ADCY3: variants seen among roughly 807,000 people sequenced by gnomAD.
The protein encoded by ADCY3 is adenylate cyclase 3.
In ADCY3, 70 loss-of-function variants were observed where a neutral mutation model predicts 119.4. The observed-to-expected ratio is 0.59, with a 90% CI of 0.48 to 0.72. The LOEUF (loss-of-function observed/expected upper bound fraction) is 0.72. Ranked by LOEUF, ADCY3 falls within the 30% of genes least tolerant of loss-of-function variation. The pLI, the probability that ADCY3 is intolerant of heterozygous loss-of-function variation, is 0.00. For synonymous variants in ADCY3, 672 were observed against 621.4 expected (o/e 1.08, Z -1.21); for missense variants, 1,238 against 1,541.6 (o/e 0.80, Z 3.30).
chr2:24,869,400 T>C (rs1214669424), intron 3 of ADCY3, among the ~76,000 whole-genome samples: 1 of 151,982 alleles, frequency 6.6e-6, no homozygotes, highest in Non-Finnish European at 1.5e-5. Context: ...TAGGGCCTTT[T>C]TTATTTTTAT....
chr2:24,861,013 G>A (rs745486397), intron 3 of ADCY3, among the ~76,000 whole-genome samples: 4 of 152,190 alleles, frequency 2.6e-5, no homozygotes, highest in Non-Finnish European at 5.9e-5. Flanking sequence ...CACTTTGGGA[G>A]GCCAAGGCAG....
chr2:24,878,593 CTT>C lies in ADCY3; in HGVS notation c.676-5876_676-5875del, dbSNP rs1676003712. On this transcript the variant is annotated intron_variant, in intron 2 of 21. Transcript: ENST00000679454. This position sits in a 1 kb window ranked among gnomAD's most constrained non-coding sequence, Gnocchi z 4.0. ...CCGCACGGGAAACTCGTCATTAAAA[CTT>C]ACTCAGATGCTTTAGGAAAAAGTCT... Among the ~76,000 whole-genome samples the C allele has an allele frequency of 6.6e-6, 1 of 152,040 alleles. No individual in the cohort carries two copies. The highest frequency in any genetic ancestry group is 1.5e-5 in the Non-Finnish European group (1 of 68,004).
chr2:24,865,646 C>T (rs1674201108), intron 3 of ADCY3, among the ~76,000 whole-genome samples: 1 of 151,850 alleles, frequency 6.6e-6, no homozygotes, highest in African/African-American at 2.4e-5. Context: ...CTTACTTTTC[C>T]TAGTATACCC....
intron 2 of ADCY3, among the ~76,000 whole-genome samples, chr2:24,884,700 C>A (rs1572987822): frequency 6.6e-6 from 1 of 152,090 alleles, no homozygotes; most frequent in Admixed American, 6.5e-5. Context: ...TGGTCTTGAA[C>A]TCCTGACCTC....
intron 16 of ADCY3, chr2:24,825,807 C>A: frequency 3.6e-6 from 2 of 557,220 alleles, no homozygotes; most frequent in Non-Finnish European, 6.4e-6. Context: ...ACCTTCACTC[C>A]CATGCTTCCT....
chr2:24,838,787 G>A, intron 7 of ADCY3, 165 bp from the exon 8 acceptor site: 1 of 1,594,870 alleles, frequency 6.3e-7, no homozygotes, highest in Non-Finnish European at 8.6e-7. Context: ...AACTAGCTGT[G>A]TGGGCCGCTA....
chr2:24,864,897 T>A (rs1674096914), intron 3 of ADCY3, among the ~76,000 whole-genome samples: 1 of 152,244 alleles, frequency 6.6e-6, no homozygotes, highest in South Asian at 2.1e-4. Flanking sequence ...ATATAATTTT[T>A]AAAATGCAAA....
chr2:24,888,995 C>A (rs1278496512), intron 2 of ADCY3, among the ~76,000 whole-genome samples: 1 of 152,220 alleles, frequency 6.6e-6, no homozygotes, highest in Non-Finnish European at 1.5e-5. Context: ...GGCGACAGAG[C>A]GAGACTCTGT....
In ADCY3 at chr2:24,910,434, CA is replaced by C. The variant is rs575056472; in HGVS notation, c.675+7878del. Among the ~76,000 whole-genome samples the C allele has an allele frequency of 1.7e-3, 263 of 152,162 alleles. 1 individual carries two copies. The highest frequency in any genetic ancestry group is 2.8e-3 in the Admixed American group (43 of 15,288). On this transcript the variant is annotated intron_variant, in intron 2 of 21. Coordinates refer to ENST00000679454, the MANE Select transcript of ADCY3 (RefSeq NM_004036.5). ...TTAAACTGTTACTCTTTTAAGCCTCCAAATTTTGGGGCTGTTTGTTACACAG... is the reference window on the plus strand; with the variant it reads ...TTAAACTGTTACTCTTTTAAGCCTCCAATTTTGGGGCTGTTTGTTACACAG...
chr2:24,867,992 T>C (rs1241211055), intron 3 of ADCY3, among the ~76,000 whole-genome samples: 1 of 152,170 alleles, frequency 6.6e-6, no homozygotes, highest in Non-Finnish European at 1.5e-5. Context: ...TATGACATAG[T>C]TGACATTATT....
At position 24,898,202 on chromosome 2, in the gene ADCY3, C is replaced by T. The variant is rs1678501956; in HGVS notation, c.675+20111G>A. 6.6e-6 allele frequency among the ~76,000 whole-genome samples: 1 copy of T among 152,138 alleles called. No homozygotes were observed. The highest frequency in any genetic ancestry group is 2.4e-5 in the African/African-American group (1 of 41,438). ...CCTCAGGATCGAAATCCAACGTGCC[C>T]TTCACGGCCCAGCTCAGTACTCCTC... On this transcript the variant is annotated intron_variant, in intron 2 of 21. Transcript: ENST00000679454. The surrounding 1 kb of genome is among the most constrained non-coding windows in gnomAD (Gnocchi z 4.3).
chr2:24,843,575 G>A (rs1258572941), intron 3 of ADCY3, among the ~76,000 whole-genome samples: 2 of 152,232 alleles, frequency 1.3e-5, no homozygotes, highest in African/African-American at 2.4e-5. Flanking sequence ...GGGTAGATGC[G>A]ACAGAGACCG....
intron 2 of ADCY3, among the ~76,000 whole-genome samples, chr2:24,881,317 G>A (rs1676377320): frequency 6.6e-6 from 1 of 152,250 alleles, no homozygotes; most frequent in Non-Finnish European, 1.5e-5. Context: ...TGCCTGGCAT[G>A]AGCCACCGAG....
At chr2:24,880,950 G>A (rs1676325906) in intron 2 of ADCY3, among the ~76,000 whole-genome samples, 1 of 151,762 alleles carries the variant, frequency 6.6e-6, no homozygotes, top group African/African-American at 2.4e-5. Context: ...GGGAGGCGGA[G>A]GTTGCAGTGA....
In ADCY3 at chr2:24,837,070, T is replaced by A. The variant is rs745414453; in HGVS notation, c.1534-25A>T. ...CCTAGAGGAAAGGAGAGCTCAGCCA[T>A]GATCTGGGCATGGGATGAGAGTGGC... On this transcript the variant is annotated intron_variant, in intron 8 of 21. Coordinates refer to ENST00000679454, the MANE Select transcript of ADCY3 (RefSeq NM_004036.5). The A allele has an allele frequency of 4.3e-6, 7 of 1,612,326 alleles. No homozygotes were observed. The South Asian group carries it at 7.7e-5, about 18-fold the overall frequency.
At chr2:24,861,094 T>C (rs541003319) in intron 3 of ADCY3, among the ~76,000 whole-genome samples, 34 of 152,092 alleles carry the variant, frequency 2.2e-4, no homozygotes, top group African/African-American at 8.2e-4. Context: ...GTACTAGAAA[T>C]ACAAAAATTA....
chr2:24,864,322 C>T (rs905357028), intron 3 of ADCY3, among the ~76,000 whole-genome samples: 2 of 152,064 alleles, frequency 1.3e-5, no homozygotes, highest in African/African-American at 4.8e-5. Context: ...AAGCACATTC[C>T]AGATTCCTCA....
intron 19 of ADCY3, 141 bp from the exon 20 acceptor site, chr2:24,821,781 C>T (rs1008557213): frequency 2.1e-5 from 26 of 1,258,870 alleles, no homozygotes; most frequent in Middle Eastern, 5.5e-4. Flanking sequence ...ACAAAGGAGT[C>T]GCAGCCACGC....
chr2:24,830,110 G>C (rs969913227), intron 13 of ADCY3, among the ~76,000 whole-genome samples: 2 of 141,520 alleles, frequency 1.4e-5, no homozygotes, highest in African/African-American at 5.4e-5. Flanking sequence ...GCTCAATCTC[G>C]GCTCACTGCA....
Sources: gnomAD v4.1 joint callset for allele counts (sites outside exome capture counted in the v4.1 genomes callset) on GRCh38, gnomAD v4.1.1 for gene constraint, Gnocchi (gnomAD v3.1) non-coding constraint, MANE v1.5 for transcripts, NCBI Gene and HGNC (gene_info 2026-07-23, HGNC 2026-07-21) for gene names.